Variants in STIM2 observed in about 807,000 individuals in gnomAD.
The protein encoded by STIM2 is stromal interaction molecule 2.
A neutral mutation model predicts 85.8 loss-of-function variants in STIM2; 31 were observed. The observed-to-expected ratio is 0.36, with a 90% CI of 0.27 to 0.49. The LOEUF (loss-of-function observed/expected upper bound fraction) is 0.49, where lower values mean the gene tolerates loss of function less well. Among genes scored for constraint, STIM2 ranks in the 20% least tolerant of loss-of-function variants. The pLI is 0.98. For missense variants in STIM2, 841 were observed against 927.6 expected, an observed-to-expected ratio of 0.91 and a Z score of 1.21; for synonymous variants, 356 against 331.1, an observed-to-expected ratio of 1.08 and a Z score of -0.82.
At chr4:27,005,498 A>G (rs957030866) in intron 7 of STIM2, among the ~76,000 whole-genome samples, 1 of 152,222 alleles carries the variant, frequency 6.6e-6, no homozygotes, top group Non-Finnish European at 1.5e-5. Context: ...CTGTTGTTTT[A>G]TTCCAAAGAT....
At chr4:26,883,694 G>A (rs1268163278) in intron 1 of STIM2, among the ~76,000 whole-genome samples, 2 of 152,114 alleles carry the variant, frequency 1.3e-5, no homozygotes, top group Non-Finnish European at 2.9e-5. Context: ...CTCTTTGAAG[G>A]TTAATTTAAA....
chr4:26,997,555 G>A (rs1276663053), intron 4 of STIM2, among the ~76,000 whole-genome samples: 3 of 152,202 alleles, frequency 2.0e-5, no homozygotes, highest in South Asian at 4.1e-4. Context: ...ATTGAATCTC[G>A]CATAAAATTT....
chr4:26,882,804 G>T (rs932474596), intron 1 of STIM2, among the ~76,000 whole-genome samples: 13 of 150,480 alleles, frequency 8.6e-5, no homozygotes, highest in African/African-American at 3.2e-4. Flanking sequence ...AAATCCAGGT[G>T]CTATCTGTGT....
chr4:26,904,385 T>C (rs1474316530), intron 1 of STIM2, among the ~76,000 whole-genome samples: 2 of 152,266 alleles, frequency 1.3e-5, no homozygotes, highest in East Asian at 1.9e-4. Context: ...AACATAATTA[T>C]CATTCCCAAA....
chr4:26,957,316 G>A (rs746858336), intron 2 of STIM2, among the ~76,000 whole-genome samples: 2 of 152,062 alleles, frequency 1.3e-5, no homozygotes, highest in Non-Finnish European at 2.9e-5. Context: ...ATAAGGAGGG[G>A]GTGACTGTAT....
intron 11 of STIM2, among the ~76,000 whole-genome samples, chr4:27,022,024 A>G (rs114223089): frequency 6.6e-6 from 1 of 152,166 alleles, no homozygotes; most frequent in African/African-American, 2.4e-5. Context: ...CCCCCCTTTT[A>G]AATTTGGTAG....
chr4:26,980,909 G>T (rs2109113230), intron 3 of STIM2, among the ~76,000 whole-genome samples: 1 of 152,208 alleles, frequency 6.6e-6, no homozygotes, highest in South Asian at 2.1e-4. Context: ...CATATTAGAA[G>T]CTTTACTTCT....
chr4:26,910,626 A>G (rs1051540557), intron 1 of STIM2, among the ~76,000 whole-genome samples: 1 of 152,154 alleles, frequency 6.6e-6, no homozygotes, highest in African/African-American at 2.4e-5. Context: ...GAATACACCT[A>G]CTCGCTTATT....
At chr4:26,869,656 G>T (rs1013028717) in intron 1 of STIM2, among the ~76,000 whole-genome samples, 1 of 151,926 alleles carries the variant, frequency 6.6e-6, no homozygotes, top group Admixed American at 6.6e-5. Flanking sequence ...AGCCTCCCAG[G>T]CTGTGAGGCA....
chr4:27,017,062 G>A (rs1427437479), intron 10 of STIM2, among the ~76,000 whole-genome samples: 1 of 152,214 alleles, frequency 6.6e-6, no homozygotes, highest in African/African-American at 2.4e-5. Context: ...TTAAGAGTAA[G>A]AAATGGAATG....
chr4:26,905,337 G>A (rs1016517355), intron 1 of STIM2, among the ~76,000 whole-genome samples: 4 of 152,178 alleles, frequency 2.6e-5, no homozygotes, highest in Non-Finnish European at 1.5e-5. Flanking sequence ...CAAGGAAGTC[G>A]AGGGTGTTTG....
At chr4:26,967,468 G>A (rs1232931528) in intron 3 of STIM2, among the ~76,000 whole-genome samples, 2 of 152,168 alleles carry the variant, frequency 1.3e-5, no homozygotes, top group Non-Finnish European at 2.9e-5. Context: ...TCTAGAGAGG[G>A]GAGTGTTTTC....
chr4:26,974,133 C>T (rs986181083), intron 3 of STIM2, among the ~76,000 whole-genome samples: 5 of 152,038 alleles, frequency 3.3e-5, no homozygotes, highest in South Asian at 2.1e-4. Context: ...TAAGTCTTTG[C>T]GCGTGCTGTG....
intron 4 of STIM2, among the ~76,000 whole-genome samples, chr4:26,996,063 T>TC (rs1291606279): frequency 6.6e-6 from 1 of 152,010 alleles, no homozygotes; most frequent in East Asian, 1.9e-4. Context: ...AAAAACCAAG[T>TC]CAGAGACAAG....
chr4:26,872,060 G>A (rs567121257), intron 1 of STIM2, among the ~76,000 whole-genome samples: 1 of 152,298 alleles, frequency 6.6e-6, no homozygotes, highest in South Asian at 2.1e-4. Context: ...TAAGTATTCA[G>A]GTATTATTGA....
At chr4:26,986,865 C>T (rs1278495488) in intron 3 of STIM2, among the ~76,000 whole-genome samples, 1 of 152,232 alleles carries the variant, frequency 6.6e-6, no homozygotes, top group Non-Finnish European at 1.5e-5. Flanking sequence ...GTTATACATT[C>T]AGCTAATACT....
chr4:26,947,223 GTCTC>G (rs1171394935), intron 2 of STIM2, among the ~76,000 whole-genome samples: 1 of 151,952 alleles, frequency 6.6e-6, no homozygotes, highest in East Asian at 1.9e-4. Context: ...TTTCATCTCT[GTCTC>G]TCTTTCTCTG....
At chr4:26,879,570 A>G (rs1722928063) in intron 1 of STIM2, among the ~76,000 whole-genome samples, 1 of 152,220 alleles carries the variant, frequency 6.6e-6, no homozygotes, top group East Asian at 1.9e-4. Context: ...AATTCTCCCA[A>G]CAACTCTATG....
intron 10 of STIM2, among the ~76,000 whole-genome samples, chr4:27,017,088 T>G (rs1482463213): frequency 1.3e-5 from 2 of 152,166 alleles, no homozygotes; most frequent in Admixed American, 1.3e-4. Context: ...TTAGTGAGGA[T>G]ATTGAAGATG....
Sources: allele counts gnomAD v4.1 joint callset (sites outside exome capture counted in the v4.1 genomes callset), GRCh38; gene constraint gnomAD v4.1.1; transcripts MANE v1.5; gene names NCBI Gene and HGNC (gene_info 2026-07-23, HGNC 2026-07-21).